The following RYR1 variants were observed in gnomAD, a reference collection of about 807,000 sequenced individuals.
The protein encoded by RYR1 is central core disease of muscle.
Under a neutral mutation model 583.5 loss-of-function variants are expected in RYR1, and 342 were observed. That is an observed-to-expected ratio of 0.59 (90% CI 0.54 to 0.64). The LOEUF is 0.64. Among genes scored for constraint, RYR1 ranks in the 30% least tolerant of loss-of-function variants. The pLI is 0.00. For synonymous variants in RYR1, 2,791 were observed against 2,822.5 expected (o/e 0.99, Z 0.35); for missense variants, 6,032 against 6,917.2 (o/e 0.87, Z 4.54).
At chr19:38,458,395 A>G (rs1967541005) in intron 18 of RYR1, 103 bp downstream of exon 18, 2 of 1,233,534 alleles carry the variant, frequency 1.6e-6, no homozygotes, top group Admixed American at 1.8e-5. Flanking sequence ...TGACTCCCTG[A>G]AAAGGTCAAC....
intron 34 of RYR1, among the ~76,000 whole-genome samples, chr19:38,487,186 A>G (rs1296293756): frequency 6.6e-6 from 1 of 151,922 alleles, no homozygotes; most frequent in African/African-American, 2.4e-5. Flanking sequence ...CCATCTCTCC[A>G]TTCATATGTA....
Position 38,448,795 on chromosome 19 carries a change from C to T in RYR1, c.1104C>T (p.Leu368=), listed in dbSNP as rs753221270. The T allele has an allele frequency of 8.1e-6, 13 of 1,613,848 alleles. No homozygotes were observed. Among genetic ancestry groups the T allele is most frequent in the East Asian group, 4.5e-5 (2 of 44,886 alleles). Residue 368 remains leucine, a synonymous_variant, in exon 11 of 106, where the codon CTC becomes CTT. Coordinates refer to ENST00000359596, the MANE Select transcript of RYR1 (RefSeq NM_000540.3). ...CTCCAGACCCCAAGGCCCTGCGGCT[C>T]GGCGTGCTCAAGAAGAAGGTGGGTG... ...YAAPDPKALR[L]GVLKKKAMLH... is the part of the protein sequence containing the mutation.
At position 38,505,848 on chromosome 19, in the gene RYR1, G is replaced by A; in HGVS notation, c.8443G>A (p.Ala2815Thr). The A allele has an allele frequency of 6.2e-7, 1 of 1,614,162 alleles. No homozygotes were observed. The change falls in exon 54 of 106, where the codon GCC becomes ACC. Residue 2815 changes from alanine (A) to threonine (T), a missense_variant. Transcript: ENST00000359596. ...YRWPIKESLK[A>T]MIAWEWTIEK... Reference sequence around the variant, plus strand: ...CTGGCCCATCAAGGAGTCCCTGAAGGCCATGATTGCCTGGGAATGGACGAT... The same window carrying A: ...CTGGCCCATCAAGGAGTCCCTGAAGACCATGATTGCCTGGGAATGGACGAT...
intron 89 of RYR1, among the ~76,000 whole-genome samples, chr19:38,550,848 T>A (rs1168430271): frequency 6.6e-6 from 1 of 152,118 alleles, no homozygotes; most frequent in Non-Finnish European, 1.5e-5. Flanking sequence ...CATCCATTGA[T>A]GATTCTTGCC....
Position 38,499,552 on chromosome 19 carries a change from C to A in RYR1, c.7028-83C>A, listed in dbSNP as rs925315307. 4 of 1,483,846 alleles carry A rather than the reference C, an allele frequency of 2.7e-6. No homozygotes were observed. Among genetic ancestry groups the A allele is most frequent in the African/African-American group, 1.4e-5 (1 of 72,484 alleles). The allele number at this position is 1,483,846 out of a possible 1,614,324, so 91.9% of individuals were successfully genotyped here. ...GAGCTGGATGGGACCTGTGTTACCC[C>A]TGGAGGTGTTGGGTCCTGGGGCTGC... is the stretch of plus-strand genomic sequence containing the variant. On this transcript the variant is annotated intron_variant, in intron 43 of 105. Coordinates refer to ENST00000359596, the MANE Select transcript of RYR1 (RefSeq NM_000540.3). The surrounding 1 kb of genome is among the most constrained non-coding windows in gnomAD (Gnocchi z 7.3).
Position 38,499,779 on chromosome 19 carries a change from C to T in RYR1, c.7172C>T (p.Ala2391Val), listed in dbSNP as rs373264653. The stretch of plus-strand genomic sequence containing the variant: ...GCCATCCGCATCTCCGAGGACCCTG[C>T]GAGGGATGGCCCAGGCATCCGCAGG... ...EEAIRISEDPARDGPGIRRDR... is the reference protein window; with the variant it reads ...EEAIRISEDPVRDGPGIRRDR... The change falls in exon 44 of 106, where the codon GCG (alanine) becomes GTG (valine). Residue 2391 changes from alanine (A) to valine (V), a missense_variant. This residue lies in a region of RYR1 where 2,627 missense variants were observed against 2,961.3 expected (regional missense o/e 0.89). Coordinates refer to ENST00000359596, the MANE Select transcript of RYR1 (RefSeq NM_000540.3). This position sits in a 1 kb window ranked among gnomAD's most constrained non-coding sequence, Gnocchi z 7.3. The T allele has an allele frequency of 4.4e-6, 7 of 1,603,030 alleles. No homozygotes were observed. The highest frequency in any genetic ancestry group is 3.3e-5 in the South Asian group (3 of 90,616).
Position 38,580,524 on chromosome 19 carries a change from C to G in RYR1, c.14646+20C>G, listed in dbSNP as rs371199096. On this transcript the variant is annotated intron_variant, in intron 101 of 105. Coordinates refer to ENST00000359596, the MANE Select transcript of RYR1 (RefSeq NM_000540.3). The stretch of plus-strand genomic sequence containing the variant: ...ATGACGGTGAGCCCCTCCCCTAGCA[C>G]TCTGGGACCCTTCCTTCTCGCATCT... 46 of 1,613,784 alleles carry G rather than the reference C, an allele frequency of 2.9e-5. No individual in the cohort carries two copies. Among genetic ancestry groups the G allele is most frequent in the Non-Finnish European group, 3.3e-5 (39 of 1,179,932 alleles).
In RYR1 at chr19:38,460,665, C is replaced by A. The variant is rs1387985514; in HGVS notation, c.2577+74C>A. 4 of 1,367,844 alleles carry A rather than the reference C, an allele frequency of 2.9e-6. No individual in the cohort carries two copies. The African/African-American group carries it at 4.3e-5, about 15-fold the overall frequency. 84.7% of individuals were successfully genotyped at this position (1,367,844 alleles called of 1,614,324 possible). A position where few individuals can be genotyped will look rare whatever the true frequency, so the allele number is the denominator to read the frequency against. ...AGTCAGAGAGGGGGCAGGGTGCCATCGTTCATGCCTGTAATCCCAGCACTT... is the reference window on the plus strand; with the variant it reads ...AGTCAGAGAGGGGGCAGGGTGCCATAGTTCATGCCTGTAATCCCAGCACTT... On this transcript the variant is annotated intron_variant, in intron 20 of 105. Coordinates refer to ENST00000359596, the MANE Select transcript of RYR1 (RefSeq NM_000540.3).
chr19:38,463,842 G>T lies in RYR1; in HGVS notation c.2778G>T (p.Glu926Asp). The T allele has an allele frequency of 6.2e-7, 1 of 1,613,698 alleles. No homozygotes were observed. The highest frequency in any genetic ancestry group is 8.5e-7 in the Non-Finnish European group (1 of 1,179,790). The change falls in exon 22 of 106, where the codon GAG becomes GAT. Residue 926 changes from glutamate (E) to aspartate (D), a missense_variant. Glu to Asp is a conservative substitution (Grantham distance 45, BLOSUM62 2). Coordinates refer to ENST00000359596, the MANE Select transcript of RYR1 (RefSeq NM_000540.3). The stretch of plus-strand genomic sequence containing the variant: ...ACTACAACCTGCAGATGTCTGGGGA[G>T]ACGCTCAAGTGAGGGCCCAGGGGAG... The part of the protein sequence containing the change: ...ERNYNLQMSG[E>D]TLKTLLALGC...
intron 76 of RYR1, among the ~76,000 whole-genome samples, chr19:38,530,071 C>G (rs1486275746): frequency 6.6e-6 from 1 of 152,000 alleles, no homozygotes; most frequent in Admixed American, 6.6e-5. Flanking sequence ...CCTCCGCCTC[C>G]CAGGTTCAAG....
In RYR1 at chr19:38,473,508, CT is replaced by C; in HGVS notation, c.3899del (p.Phe1300SerfsTer98). ...LSLPVQFHQH[F>X]RCTAGATPLA... ...GCCTCCCAGTCCAGTTCCACCAGCACTTCCGCTGCACTGCAGGGGCCACCCC... is the reference window on the plus strand; with the variant it reads ...GCCTCCCAGTCCAGTTCCACCAGCACTCCGCTGCACTGCAGGGGCCACCCC... On this transcript the variant is annotated frameshift_variant, in exon 28 of 106. Transcript: ENST00000359596. LOFTEE classifies it high-confidence loss of function. 6.2e-7 allele frequency: 1 copy of C among 1,613,534 alleles called. No homozygotes were observed. The highest frequency in any genetic ancestry group is 8.5e-7 in the Non-Finnish European group (1 of 1,179,806).
chr19:38,502,484 G>T, intron 47 of RYR1, 23 bp from the exon 48 acceptor site: 1 of 1,596,872 alleles, frequency 6.3e-7, no homozygotes, highest in Non-Finnish European at 8.5e-7. Flanking sequence ...CAGCGGGCCT[G>T]ATGTCCTCAC....
rs202111332 is a variant in RYR1 at position 38,499,760 on chromosome 19, C to T, written c.7153C>T (p.Arg2385Cys). The T allele has an allele frequency of 2.6e-5, 42 of 1,601,980 alleles. 1 individual carries two copies. The highest frequency in any genetic ancestry group is 1.4e-4 in the South Asian group (13 of 90,634). The change falls in exon 44 of 106, where the codon CGC becomes TGC. Residue 2385 changes from arginine (R) to cysteine (C), a missense_variant. By Grantham distance (180) the Arg-to-Cys change is radical. This residue lies in a region of RYR1 where 2,627 missense variants were observed against 2,961.3 expected (regional missense o/e 0.89). Coordinates refer to ENST00000359596, the MANE Select transcript of RYR1 (RefSeq NM_000540.3). This position sits in a 1 kb window ranked among gnomAD's most constrained non-coding sequence, Gnocchi z 7.3. ...GLLAAIEEAI[R>C]ISEDPARDGP... ...GCTGGCTGCCATCGAAGAGGCCATC[C>T]GCATCTCCGAGGACCCTGCGAGGGA...
chr19:38,509,308 C>T (rs899999388), intron 58 of RYR1, among the ~76,000 whole-genome samples: 12 of 152,036 alleles, frequency 7.9e-5, no homozygotes, highest in African/African-American at 2.9e-4. Context: ...ACCTGAGTTT[C>T]CTCATCTGAA....
At position 38,473,709 on chromosome 19, in the gene RYR1, G is replaced by C; in HGVS notation, c.4098G>C (p.Glu1366Asp). The C allele has an allele frequency of 6.5e-7, 1 of 1,548,972 alleles. No individual in the cohort carries two copies. Among genetic ancestry groups the C allele is most frequent in the Non-Finnish European group, 8.7e-7 (1 of 1,146,384 alleles). Residue 1366 changes from glutamate (E) to aspartate (D), a missense_variant, in exon 28 of 106, where the codon GAG becomes GAC. By Grantham distance (45) the Glu-to-Asp change is conservative. This residue lies in a region of RYR1 where 2,627 missense variants were observed against 2,961.3 expected (regional missense o/e 0.89). Coordinates refer to ENST00000359596, the MANE Select transcript of RYR1 (RefSeq NM_000540.3). ...GGGGCACCCCGCAGGCGGGGGGAGA[G>C]GCGCAGCCCGCCAGGGCGGAGAATG... is the stretch of plus-strand genomic sequence containing the variant. Reference protein sequence around the residue: ...APGGTPQAGGEAQPARAENEK... With the variant: ...APGGTPQAGGDAQPARAENEK...
intron 79 of RYR1, among the ~76,000 whole-genome samples, 155 bp downstream of exon 79, chr19:38,534,974 C>G (rs1421983108): frequency 6.6e-6 from 1 of 152,194 alleles, no homozygotes; most frequent in Non-Finnish European, 1.5e-5. Flanking sequence ...TGTATACCTG[C>G]CTTGCAATTT....
chr19:38,573,444 G>C, intron 96 of RYR1, 137 bp downstream of exon 96: 1 of 1,107,302 alleles, frequency 9.0e-7, no homozygotes, highest in Non-Finnish European at 1.2e-6. Flanking sequence ...CACTTTGGGA[G>C]GCTAAGGCGG....
intron 99 of RYR1, among the ~76,000 whole-genome samples, chr19:38,578,869 T>C (rs1397864597): frequency 6.6e-6 from 1 of 152,054 alleles, no homozygotes; most frequent in African/African-American, 2.4e-5. Flanking sequence ...CCCAGCACTT[T>C]GGGAGGCGGA....
intron 20 of RYR1, among the ~76,000 whole-genome samples, chr19:38,462,077 C>T: frequency 6.6e-6 from 1 of 152,044 alleles, no homozygotes; most frequent in East Asian, 1.9e-4. Context: ...AAAGAAAGGA[C>T]TGTTTTTGCC....
Sources: gnomAD v4.1 joint callset for allele counts (sites outside exome capture counted in the v4.1 genomes callset) on GRCh38, gnomAD v4.1.1 for gene constraint, gnomAD v4.1.1 regional missense constraint, Gnocchi (gnomAD v3.1) non-coding constraint, MANE v1.5 for transcripts, NCBI Gene and HGNC (gene_info 2026-07-23, HGNC 2026-07-21) for gene names.